NRG3: variants seen among roughly 807,000 people sequenced by gnomAD.
NRG3 encodes the protein pro-neuregulin-3, membrane-bound isoform.
NRG3 carries 31 observed loss-of-function variants against 66.9 expected under a neutral mutation model. The ratio of observed to expected loss-of-function variants is 0.46; its 90% confidence interval spans 0.35 to 0.63. The LOEUF (loss-of-function observed/expected upper bound fraction) is 0.63, where lower values mean the gene tolerates loss of function less well. Ranked by LOEUF, NRG3 falls within the 20% of genes least tolerant of loss-of-function variation. The pLI, the probability that NRG3 is intolerant of heterozygous loss-of-function variation, is 0.00. For missense variants in NRG3, 910 were observed against 878.9 expected (o/e 1.04, Z -0.45); for synonymous variants, 393 against 359.4 (o/e 1.09, Z -1.06).
chr10:82,570,735 G>T (rs940145211), intron 2 of NRG3, among the ~76,000 whole-genome samples: 9 of 151,604 alleles, frequency 5.9e-5, no homozygotes, highest in Admixed American at 4.6e-4. Flanking sequence ...CCGGAACGTG[G>T]TTTGATATAT....
chr10:82,432,278 A>T (rs1348901548), intron 2 of NRG3, among the ~76,000 whole-genome samples: 1 of 152,012 alleles, frequency 6.6e-6, no homozygotes, highest in Admixed American at 6.6e-5. Context: ...CTCCTCTCAA[A>T]CAGTCTACCT....
At chr10:81,977,166 A>G (rs2060155003) in intron 1 of NRG3, among the ~76,000 whole-genome samples, 1 of 152,196 alleles carries the variant, frequency 6.6e-6, no homozygotes, top group Non-Finnish European at 1.5e-5. Context: ...GCCTCTGGTG[A>G]CTTCCCAGAT....
intron 1 of NRG3, among the ~76,000 whole-genome samples, chr10:81,942,262 T>C (rs1408991931): frequency 5.3e-5 from 8 of 152,064 alleles, no homozygotes; most frequent in Non-Finnish European, 8.8e-5. Context: ...TTAGTGCTCA[T>C]TGTGAACACG....
Position 82,408,087 on chromosome 10 carries a change from G to GAAAGAAAGA in NRG3, c.953+49222_953+49230dup, listed in dbSNP as rs1207390809. 4.9e-3 allele frequency among the ~76,000 whole-genome samples: 301 copies of GAAAGAAAGA among 61,216 alleles called. 7 individuals are homozygous for GAAAGAAAGA. Among genetic ancestry groups the GAAAGAAAGA allele is most frequent in the African/African-American group, 0.015 (247 of 16,854 alleles). The allele number at this position is 61,216 out of a possible 152,430, so 40.2% of individuals were successfully genotyped here. A position where few individuals can be genotyped will look rare whatever the true frequency, so the allele number is the denominator to read the frequency against. ...AGAGAGAGAGAGAGAGAGAGAGACA[G>GAAAGAAAGA]AAAGAAAGAAAGAAAGAAAGAAAGA... On this transcript the variant is annotated intron_variant, in intron 2 of 8. Coordinates refer to ENST00000372141, the MANE Select transcript of NRG3 (RefSeq NM_001010848.4).
chr10:82,890,761 A>G (rs557497378), intron 4 of NRG3, among the ~76,000 whole-genome samples: 1 of 152,240 alleles, frequency 6.6e-6, no homozygotes, highest in African/African-American at 2.4e-5. Flanking sequence ...TTACATTTCA[A>G]CTTGAATTGC....
chr10:82,083,209 GT>G (rs1312752258), intron 1 of NRG3, among the ~76,000 whole-genome samples: 1 of 151,964 alleles, frequency 6.6e-6, no homozygotes, highest in Admixed American at 6.6e-5. Context: ...TTTGAAGAGT[GT>G]TTGGCTCTGT....
intron 1 of NRG3, among the ~76,000 whole-genome samples, chr10:82,121,508 A>G (rs2068087298): frequency 6.6e-6 from 1 of 152,058 alleles, no homozygotes; most frequent in Non-Finnish European, 1.5e-5. Flanking sequence ...TCTTCCCAAC[A>G]CTCACTGCTT....
At chr10:82,085,686 G>A (rs2065679695) in intron 1 of NRG3, among the ~76,000 whole-genome samples, 1 of 151,914 alleles carries the variant, frequency 6.6e-6, no homozygotes, top group Non-Finnish European at 1.5e-5. Flanking sequence ...GCCCAGGCTG[G>A]AGTGCAATGG....
chr10:82,460,509 T>C (rs920193658), intron 2 of NRG3, among the ~76,000 whole-genome samples: 1 of 152,206 alleles, frequency 6.6e-6, no homozygotes, highest in Non-Finnish European at 1.5e-5. Context: ...AGAGTGCTAC[T>C]TAATTTGCTC....
chr10:82,350,384 A>G (rs1398083827), intron 1 of NRG3, among the ~76,000 whole-genome samples: 1 of 152,188 alleles, frequency 6.6e-6, no homozygotes, highest in African/African-American at 2.4e-5. Flanking sequence ...TGATACAGAG[A>G]CTGACTTGCT....
At chr10:82,668,251 A>G (rs2052957652) in intron 2 of NRG3, among the ~76,000 whole-genome samples, 1 of 152,224 alleles carries the variant, frequency 6.6e-6, no homozygotes, top group South Asian at 2.1e-4. Context: ...GAAATGCAGA[A>G]CTATTTATGA....
intron 1 of NRG3, among the ~76,000 whole-genome samples, chr10:82,286,583 T>G (rs577972681): frequency 3.3e-5 from 5 of 152,186 alleles, no homozygotes; most frequent in Non-Finnish European, 5.9e-5. Flanking sequence ...TTATTTATTT[T>G]TATTTACTTA....
intron 1 of NRG3, among the ~76,000 whole-genome samples, chr10:82,108,104 A>G (rs2132204678): frequency 6.6e-6 from 1 of 152,348 alleles, no homozygotes; most frequent in African/African-American, 2.4e-5. Context: ...TGTGACACCA[A>G]GCCATCTGAT....
At chr10:82,938,087 C>T (rs994336514) in intron 4 of NRG3, among the ~76,000 whole-genome samples, 16 of 152,066 alleles carry the variant, frequency 1.1e-4, no homozygotes, top group East Asian at 5.8e-4. Context: ...ATAATTAAAG[C>T]GAATTTCTCC....
At chr10:82,278,836 GCT>G (rs1269945680) in intron 1 of NRG3, among the ~76,000 whole-genome samples, 5 of 152,066 alleles carry the variant, frequency 3.3e-5, no homozygotes, top group African/African-American at 7.2e-5. Flanking sequence ...TCCTCACGGA[GCT>G]CTCTTATTTC....
At chr10:82,142,377 C>T (rs950347248) in intron 1 of NRG3, among the ~76,000 whole-genome samples, 3 of 152,268 alleles carry the variant, frequency 2.0e-5, no homozygotes, top group Non-Finnish European at 2.9e-5. Flanking sequence ...AGTATCTGGC[C>T]TCCCAAGGGA....
intron 2 of NRG3, among the ~76,000 whole-genome samples, chr10:82,434,127 G>A (rs1298361124): frequency 1.3e-5 from 2 of 152,102 alleles, no homozygotes; most frequent in Non-Finnish European, 2.9e-5. Context: ...ATTTCCTTGA[G>A]CAGTGCTTTG....
intron 1 of NRG3, among the ~76,000 whole-genome samples, chr10:82,054,515 G>C (rs2063743730): frequency 6.6e-6 from 1 of 152,056 alleles, no homozygotes; most frequent in African/African-American, 2.4e-5. Context: ...TAAGGGTCTT[G>C]ATTTGGAATG....
intron 2 of NRG3, among the ~76,000 whole-genome samples, chr10:82,695,661 G>A (rs1308646790): frequency 6.6e-6 from 1 of 151,928 alleles, no homozygotes; most frequent in Non-Finnish European, 1.5e-5. Flanking sequence ...CTCCTATTAT[G>A]TTATATAAAT....
Sources: allele counts gnomAD v4.1 joint callset (sites outside exome capture counted in the v4.1 genomes callset), GRCh38; gene constraint gnomAD v4.1.1; transcripts MANE v1.5; gene names NCBI Gene and HGNC (gene_info 2026-07-23, HGNC 2026-07-21).